ATF7IP: variants seen among roughly 807,000 people sequenced by gnomAD.
ATF7IP encodes activating transcription factor 7 interacting protein, also known as activating transcription factor 7-interacting protein 1.
A neutral mutation model predicts 106.4 loss-of-function variants in ATF7IP; 23 were observed. That is an observed-to-expected ratio of 0.22 (90% CI 0.16 to 0.31). ATF7IP has a LOEUF of 0.31. Ranked by LOEUF, ATF7IP falls within the 10% of genes least tolerant of loss-of-function variation. The probability of loss-of-function intolerance (pLI) is 1.00; values close to 1 mark genes in which losing one functional copy is unlikely to be tolerated. For missense variants in ATF7IP, 1,334 were observed against 1,524.3 expected, an observed-to-expected ratio of 0.88 and a Z score of 2.08; for synonymous variants, 542 against 539.0, an observed-to-expected ratio of 1.01 and a Z score of -0.08.
At chr12:14,482,195 A>G (rs894492781) in intron 13 of ATF7IP, 1 of 152,160 alleles carries the variant, frequency 6.6e-6, no homozygotes, top group African/African-American at 2.4e-5. Flanking sequence ...CACTGTTCCT[A>G]CTTTTCTATT....
At chr12:14,493,691 A>G (rs1396378358) in intron 13 of ATF7IP, among the ~76,000 whole-genome samples, 1 of 152,120 alleles carries the variant, frequency 6.6e-6, no homozygotes, top group African/African-American at 2.4e-5. Flanking sequence ...ATTCTTTTCC[A>G]GTCAGTGCCC....
In ATF7IP at chr12:14,460,525, C is replaced by A. The variant is rs577626961; in HGVS notation, c.2189C>A (p.Ala730Glu). 6.2e-7 allele frequency: 1 copy of A among 1,613,954 alleles called. No individual in the cohort carries two copies. The highest frequency in any genetic ancestry group is 8.5e-7 in the Non-Finnish European group (1 of 1,179,980). ...VSSTNLVTPPAVVSSQPKLQT... is the reference protein window; with the variant it reads ...VSSTNLVTPPEVVSSQPKLQT... ...TCAACCAATCTTGTCACTCCTCCAG[C>A]AGTTGTCAGTAGTCAACCTAAATTG... The change falls in exon 9 of 15, where the codon GCA (alanine) becomes GAA (glutamate). Residue 730 changes from alanine to glutamate, a missense_variant. By Grantham distance (107) the Ala-to-Glu change is moderately radical (BLOSUM62 -1). This residue lies in a region of ATF7IP where 171 missense variants were observed against 172.6 expected (regional missense o/e 0.99). Coordinates refer to ENST00000261168, the MANE Select transcript of ATF7IP (RefSeq NM_018179.5).
At chr12:14,417,967 T>G (rs796836997) in intron 1 of ATF7IP, among the ~76,000 whole-genome samples, 1 of 152,308 alleles carries the variant, frequency 6.6e-6, no homozygotes, top group South Asian at 2.1e-4. Flanking sequence ...GCAGGCAGAT[T>G]GTAGGCTAAG....
chr12:14,383,235 GC>G (rs1364363734), intron 1 of ATF7IP, among the ~76,000 whole-genome samples: 1 of 152,144 alleles, frequency 6.6e-6, no homozygotes, highest in Non-Finnish European at 1.5e-5. Flanking sequence ...GTAGCCAGCA[GC>G]TTTCTCTTGG....
chr12:14,423,574 C>CTTTTTTTTTTTTTTTTTTTTTTTT, intron 1 of ATF7IP, among the ~76,000 whole-genome samples: 13 of 34,392 alleles, frequency 3.8e-4, no homozygotes, highest in East Asian at 7.1e-4. Flanking sequence ...TCTTCAGGTA[C>CTTTTTTTTTTTTTTTTTTTTTTTT]TTTTTTTTTT....
chr12:14,496,450 G>T, intron 14 of ATF7IP, 107 bp downstream of exon 14: 2 of 670,870 alleles, frequency 3.0e-6, no homozygotes, highest in Admixed American at 2.9e-5. Flanking sequence ...GAAGTGTTAG[G>T]TCTTCCTGCT....
intron 10 of ATF7IP, among the ~76,000 whole-genome samples, chr12:14,473,566 G>A (rs1944141735): frequency 6.6e-6 from 1 of 151,950 alleles, no homozygotes; most frequent in African/African-American, 2.4e-5. Flanking sequence ...AAGAAATTAA[G>A]AACAGAAAAT....
intron 1 of ATF7IP, among the ~76,000 whole-genome samples, chr12:14,419,750 T>C (rs1046816558): frequency 2.0e-5 from 3 of 152,198 alleles, no homozygotes; most frequent in South Asian, 4.1e-4. Context: ...TATTATATTA[T>C]ACAAATTTTG....
chr12:14,365,995 G>A (rs897506013), intron 1 of ATF7IP, among the ~76,000 whole-genome samples, 168 bp downstream of exon 1: 1 of 152,376 alleles, frequency 6.6e-6, no homozygotes, highest in Middle Eastern at 3.4e-3. Context: ...GCGGGGTCGG[G>A]CTCTAGCTGC....
chr12:14,387,203 A>T (rs10772776), intron 1 of ATF7IP, among the ~76,000 whole-genome samples: 19 of 151,964 alleles, frequency 1.3e-4, no homozygotes, highest in Admixed American at 3.3e-4. Context: ...TATGAACTGT[A>T]CCTAAAAAAG....
In ATF7IP at chr12:14,456,579, G is replaced by T; in HGVS notation, c.2014G>T (p.Val672Leu). The change falls in exon 7 of 15, where the codon GTA becomes TTA. Residue 672 changes from valine (V) to leucine (L), a missense_variant. By Grantham distance (32) the Val-to-Leu change is conservative. Transcript: ENST00000261168. ...CCCCCAGCATCCACCCAACCCACCA[G>T]TATCACCAGGAAAAACTGTAAATGA... ...KRHEHPPNPP[V>L]SPGKTVNDVN... 6.2e-7 allele frequency: 1 copy of T among 1,611,910 alleles called. No homozygotes were observed.
intron 9 of ATF7IP, among the ~76,000 whole-genome samples, chr12:14,461,644 TCCGTGTTTTCCCA>T (rs1943641184): frequency 4.6e-5 from 7 of 152,198 alleles, no homozygotes; most frequent in African/African-American, 1.7e-4. Flanking sequence ...TTTTATCTTT[TCCGTGTTTTCCCA>T]TATGACATAT....
chr12:14,386,573 G>A (rs1312307228), intron 1 of ATF7IP, among the ~76,000 whole-genome samples: 2 of 151,956 alleles, frequency 1.3e-5, no homozygotes, highest in Admixed American at 1.3e-4. Flanking sequence ...TATATAAAAG[G>A]GATACTTATG....
rs757659977 is a variant in ATF7IP, at chr12:14,424,226, A to G, written c.311A>G (p.Asp104Gly). Residue 104 changes from aspartate to glycine, a missense_variant, in exon 2 of 15, where the codon GAT (aspartate) becomes GGT (glycine). Asp to Gly is a moderately conservative substitution (Grantham distance 94, BLOSUM62 -1). Coordinates refer to ENST00000261168, the MANE Select transcript of ATF7IP (RefSeq NM_018179.5). Reference protein sequence around the residue: ...ILSVNVKNKQDDDLNCEPLSP... With the variant: ...ILSVNVKNKQGDDLNCEPLSP... Reference sequence around the variant, plus strand: ...AGTGTTAATGTAAAAAACAAGCAGGATGATGATTTAAATTGTGAACCTTTG... The same window carrying G: ...AGTGTTAATGTAAAAAACAAGCAGGGTGATGATTTAAATTGTGAACCTTTG... 3 of 1,614,100 alleles carry G rather than the reference A, an allele frequency of 1.9e-6. No homozygotes were observed. Among genetic ancestry groups the G allele is most frequent in the Non-Finnish European group, 2.5e-6 (3 of 1,180,044 alleles).
chr12:14,421,738 T>G (rs939876540), intron 1 of ATF7IP, among the ~76,000 whole-genome samples: 3 of 152,116 alleles, frequency 2.0e-5, no homozygotes, highest in Non-Finnish European at 2.9e-5. Flanking sequence ...CACAATTCAG[T>G]CAGTAACATC....
chr12:14,400,275 G>A (rs891001961), intron 1 of ATF7IP, among the ~76,000 whole-genome samples: 1 of 151,990 alleles, frequency 6.6e-6, no homozygotes, highest in Non-Finnish European at 1.5e-5. Flanking sequence ...TTAGATTTTT[G>A]TGTGTTTTAA....
At chr12:14,386,689 A>C (rs1939259565) in intron 1 of ATF7IP, among the ~76,000 whole-genome samples, 1 of 152,170 alleles carries the variant, frequency 6.6e-6, no homozygotes, top group African/African-American at 2.4e-5. Flanking sequence ...ATGTGTATTT[A>C]ATAAAATGAC....
At chr12:14,487,901 A>G (rs2136840884) in intron 13 of ATF7IP, among the ~76,000 whole-genome samples, 1 of 152,172 alleles carries the variant, frequency 6.6e-6, no homozygotes, top group East Asian at 1.9e-4. Context: ...GGTATCGTGT[A>G]TAGAGTCCCT....
intron 6 of ATF7IP, among the ~76,000 whole-genome samples, chr12:14,447,561 A>G (rs573247160): frequency 1.3e-5 from 2 of 152,154 alleles, no homozygotes; most frequent in Admixed American, 6.6e-5. Context: ...AATTACAGAC[A>G]TGAGCCATTG....
Sources: allele counts gnomAD v4.1 joint callset (sites outside exome capture counted in the v4.1 genomes callset), GRCh38; gene constraint gnomAD v4.1.1; regional missense constraint gnomAD v4.1.1; transcripts MANE v1.5; gene names NCBI Gene and HGNC (gene_info 2026-07-23, HGNC 2026-07-21).